SLCO1B3: variants seen among roughly 807,000 people sequenced by gnomAD.
The protein encoded by SLCO1B3 is solute carrier organic anion transporter family member 1B3, also known as liver-specific organic anion transporter 2.
A neutral mutation model predicts 71.8 loss-of-function variants in SLCO1B3; 72 were observed. That is an observed-to-expected ratio of 1.00 (90% CI 0.83 to 1.22). SLCO1B3 has a LOEUF of 1.22. Among genes scored for constraint, SLCO1B3 ranks in the 50% most tolerant of loss-of-function variants. The probability of loss-of-function intolerance (pLI) is 0.00; values close to 1 mark genes in which losing one functional copy is unlikely to be tolerated. For missense variants in SLCO1B3, 911 were observed against 819.7 expected (o/e 1.11, Z -1.36); for synonymous variants, 298 against 278.4 (o/e 1.07, Z -0.70).
chr12:20,887,407 C>G (rs890672771), intron 13 of SLCO1B3, among the ~76,000 whole-genome samples: 1 of 151,962 alleles, frequency 6.6e-6, no homozygotes, highest in African/African-American at 2.4e-5. Context: ...GTAATAATAG[C>G]TATCTTGATG....
chr12:20,889,787 A>T (rs1481528815), intron 13 of SLCO1B3, among the ~76,000 whole-genome samples: 5 of 151,622 alleles, frequency 3.3e-5, no homozygotes, highest in African/African-American at 4.8e-5. Context: ...TTAGATTGTT[A>T]ATTTTATATC....
chr12:20,870,520 G>A (rs924121596), intron 8 of SLCO1B3, among the ~76,000 whole-genome samples: 5 of 151,972 alleles, frequency 3.3e-5, no homozygotes, highest in South Asian at 2.1e-4. Context: ...GTATATATAT[G>A]ATAAGGATAT....
chr12:20,882,910 T>G (rs1354419788), intron 12 of SLCO1B3, among the ~76,000 whole-genome samples: 1 of 152,184 alleles, frequency 6.6e-6, no homozygotes, highest in Non-Finnish European at 1.5e-5. Flanking sequence ...GTGTTAAACC[T>G]TTCTGGTAAT....
intron 3 of SLCO1B3, among the ~76,000 whole-genome samples, chr12:20,834,127 C>A (rs1197684896): frequency 7.1e-6 from 1 of 140,276 alleles, no homozygotes; most frequent in Non-Finnish European, 1.5e-5. Flanking sequence ...AGATATAATA[C>A]ATACATACAC....
At chr12:20,817,911 G>T (rs890600196) in intron 3 of SLCO1B3, among the ~76,000 whole-genome samples, 1 of 152,106 alleles carries the variant, frequency 6.6e-6, no homozygotes, top group Admixed American at 6.5e-5. Context: ...CTCTTCTAGA[G>T]TGGCAGTTTG....
intron 8 of SLCO1B3, among the ~76,000 whole-genome samples, chr12:20,863,765 A>G (rs967100560): frequency 2.6e-5 from 4 of 152,134 alleles, no homozygotes; most frequent in Non-Finnish European, 5.9e-5. Flanking sequence ...ACCTAGAAAA[A>G]CATCATCTAA....
chr12:20,855,237 C>T, intron 4 of SLCO1B3, 68 bp downstream of exon 4: 3 of 1,302,160 alleles, frequency 2.3e-6, no homozygotes, highest in Middle Eastern at 2.2e-4. Context: ...TTCATGCATG[C>T]TTTATATCAC....
At chr12:20,814,430 A>G (rs913948421) in intron 2 of SLCO1B3, among the ~76,000 whole-genome samples, 1 of 152,196 alleles carries the variant, frequency 6.6e-6, no homozygotes, top group Non-Finnish European at 1.5e-5. Context: ...AGTTAACGAT[A>G]TAGAACTAGT....
chr12:20,865,118 A>G (rs1302048945), intron 8 of SLCO1B3, among the ~76,000 whole-genome samples: 8 of 152,146 alleles, frequency 5.3e-5, no homozygotes, highest in Admixed American at 5.2e-4. Context: ...GGACATATCT[A>G]GCTTGGTTAT....
intron 15 of SLCO1B3, among the ~76,000 whole-genome samples, chr12:20,907,875 T>C (rs994716568): frequency 3.3e-5 from 5 of 152,274 alleles, no homozygotes; most frequent in African/African-American, 1.2e-4. Context: ...ATAAATTTAC[T>C]TTAAGAAAAT....
intron 9 of SLCO1B3, among the ~76,000 whole-genome samples, chr12:20,876,209 T>G (rs1319618769): frequency 6.6e-6 from 1 of 152,096 alleles, no homozygotes; most frequent in Non-Finnish European, 1.5e-5. Context: ...TACCACTTGA[T>G]AGTGGTGCCT....
intron 15 of SLCO1B3, among the ~76,000 whole-genome samples, chr12:20,909,464 C>T (rs1866328961): frequency 6.6e-6 from 1 of 151,864 alleles, no homozygotes. Context: ...TGAGCCACCA[C>T]ACCCGGTCAT....
At chr12:20,821,668 AG>A (rs1864311192) in intron 3 of SLCO1B3, among the ~76,000 whole-genome samples, 1 of 151,978 alleles carries the variant, frequency 6.6e-6, no homozygotes, top group Non-Finnish European at 1.5e-5. Flanking sequence ...AAAGCAGAGA[AG>A]GGGTAGAGAC....
chr12:20,876,849 G>A (rs75145256), intron 9 of SLCO1B3, among the ~76,000 whole-genome samples: 1 of 141,968 alleles, frequency 7.0e-6, no homozygotes, highest in Non-Finnish European at 1.5e-5. Context: ...TTTTTTTTTT[G>A]AGACAGAGTC....
intron 3 of SLCO1B3, among the ~76,000 whole-genome samples, chr12:20,823,573 T>C (rs1864362489): frequency 6.6e-6 from 1 of 152,194 alleles, no homozygotes; most frequent in Non-Finnish European, 1.5e-5. Flanking sequence ...ACTTTTACAC[T>C]TGGTTTAATT....
intron 8 of SLCO1B3, among the ~76,000 whole-genome samples, chr12:20,866,354 G>A (rs1013384341): frequency 1.3e-5 from 2 of 152,040 alleles, no homozygotes; most frequent in African/African-American, 4.8e-5. Flanking sequence ...ACAACATTGG[G>A]CACATAAACC....
At chr12:20,871,848 G>C (rs554449500) in intron 8 of SLCO1B3, among the ~76,000 whole-genome samples, 1 of 151,934 alleles carries the variant, frequency 6.6e-6, no homozygotes, top group African/African-American at 2.4e-5. Flanking sequence ...CACAGCACTG[G>C]GTCTTGCCCA....
At chr12:20,834,589 G>C (rs1221941981) in intron 3 of SLCO1B3, among the ~76,000 whole-genome samples, 2 of 151,488 alleles carry the variant, frequency 1.3e-5, no homozygotes, top group Non-Finnish European at 2.9e-5. Context: ...TAAGCTCCAT[G>C]AAAACATAGG....
intron 14 of SLCO1B3, among the ~76,000 whole-genome samples, chr12:20,899,721 G>C (rs1469184746): frequency 6.6e-6 from 1 of 152,066 alleles, no homozygotes; most frequent in Non-Finnish European, 1.5e-5. Flanking sequence ...ATAGCATCTG[G>C]GTAGTTAGGA....
Sources: gnomAD v4.1 joint callset for allele counts (sites outside exome capture counted in the v4.1 genomes callset) on GRCh38, gnomAD v4.1.1 for gene constraint, MANE v1.5 for transcripts, NCBI Gene and HGNC (gene_info 2026-07-23, HGNC 2026-07-21) for gene names.